ZNF704: variants seen among roughly 807,000 people sequenced by gnomAD.
ZNF704 encodes glucocorticoid induced gene 1.
A neutral mutation model predicts 44.7 loss-of-function variants in ZNF704; 10 were observed. The observed-to-expected ratio is 0.22, with a 90% confidence interval of 0.14 to 0.38. The LOEUF (loss-of-function observed/expected upper bound fraction) is 0.38. Ranked by LOEUF, ZNF704 falls within the 10% of genes least tolerant of loss-of-function variation. ZNF704 has a pLI of 1.00. For missense variants in ZNF704, 390 were observed against 545.5 expected (o/e 0.71, Z 2.84); for synonymous variants, 211 against 207.6 (o/e 1.02, Z -0.14).
chr8:80,760,989 C>A (rs981911231), intron 2 of ZNF704, among the ~76,000 whole-genome samples: 18 of 152,046 alleles, frequency 1.2e-4, no homozygotes, highest in Admixed American at 3.9e-4. Context: ...ATGAAAAATC[C>A]ACCCCCATGA....
chr8:80,816,855 T>C (rs538898125), intron 2 of ZNF704, among the ~76,000 whole-genome samples: 2 of 152,260 alleles, frequency 1.3e-5, no homozygotes, highest in South Asian at 2.1e-4. Context: ...TATAATGCAC[T>C]TACTCCAAAT....
intron 2 of ZNF704, among the ~76,000 whole-genome samples, chr8:80,792,446 G>A (rs776275998): frequency 6.6e-6 from 1 of 152,162 alleles, no homozygotes; most frequent in East Asian, 1.9e-4. Context: ...AAAGATCCCT[G>A]CTCCTGGTTT....
intron 7 of ZNF704, among the ~76,000 whole-genome samples, chr8:80,648,174 T>C (rs1371772681): frequency 1.3e-5 from 2 of 152,168 alleles, no homozygotes; most frequent in East Asian, 3.8e-4. Context: ...GTTCCACCTC[T>C]CAACACTGCT....
intron 1 of ZNF704, among the ~76,000 whole-genome samples, chr8:80,831,173 A>G (rs1448938382): frequency 6.6e-6 from 1 of 152,186 alleles, no homozygotes; most frequent in Non-Finnish European, 1.5e-5. Context: ...TAAAACAGAG[A>G]TGGCATGGCA....
At chr8:80,723,592 G>A (rs1806414242) in intron 2 of ZNF704, among the ~76,000 whole-genome samples, 1 of 152,200 alleles carries the variant, frequency 6.6e-6, no homozygotes, top group South Asian at 2.1e-4. Flanking sequence ...GGATGATGGT[G>A]AGAATCAAAT....
At chr8:80,650,389 A>G (rs1817898332) in intron 7 of ZNF704, among the ~76,000 whole-genome samples, 1 of 152,248 alleles carries the variant, frequency 6.6e-6, no homozygotes, top group African/African-American at 2.4e-5. Context: ...GGAAGTTCGA[A>G]CCCATGGCAA....
At chr8:80,865,401 T>C (rs1809137851) in intron 1 of ZNF704, among the ~76,000 whole-genome samples, 1 of 152,210 alleles carries the variant, frequency 6.6e-6, no homozygotes, top group African/African-American at 2.4e-5. Context: ...CTTCTTGATC[T>C]ACAGAGAAGT....
intron 7 of ZNF704, among the ~76,000 whole-genome samples, chr8:80,648,514 G>A (rs992071309): frequency 6.6e-6 from 1 of 152,168 alleles, no homozygotes; most frequent in African/African-American, 2.4e-5. Flanking sequence ...TTCAGTGCTT[G>A]CGAATGTGAA....
intron 1 of ZNF704, among the ~76,000 whole-genome samples, chr8:80,861,959 C>T (rs1163522735): frequency 6.7e-6 from 1 of 149,716 alleles, no homozygotes; most frequent in African/African-American, 2.5e-5. Context: ...AATAAAATAG[C>T]CATGTGGTTG....
intron 1 of ZNF704, among the ~76,000 whole-genome samples, chr8:80,866,231 T>A (rs1369639499): frequency 6.6e-6 from 1 of 152,218 alleles, no homozygotes; most frequent in African/African-American, 2.4e-5. Context: ...TTTGGGCAGA[T>A]CTAATCTTGA....
At chr8:80,724,911 T>A (rs1222155856) in intron 2 of ZNF704, among the ~76,000 whole-genome samples, 1 of 152,188 alleles carries the variant, frequency 6.6e-6, no homozygotes, top group Non-Finnish European at 1.5e-5. Context: ...AATCATGCCA[T>A]TCCAGGTCTG....
At chr8:80,858,678 C>G (rs1809005086) in intron 1 of ZNF704, among the ~76,000 whole-genome samples, 1 of 149,748 alleles carries the variant, frequency 6.7e-6, no homozygotes, top group Admixed American at 6.6e-5. Flanking sequence ...CAGCGAGATT[C>G]TGTCTCAAAA....
At chr8:80,712,389 A>T (rs80163571) in intron 2 of ZNF704, among the ~76,000 whole-genome samples, 1 of 152,246 alleles carries the variant, frequency 6.6e-6, no homozygotes, top group African/African-American at 2.4e-5. Context: ...CCAGACAAAG[A>T]TAGGCTCAAT....
At position 80,631,844 on chromosome 8, in the gene ZNF704, C is replaced by G. The variant is rs1403619601; in HGVS notation, c.*9522G>C. The G allele has an allele frequency of 1.3e-5, 2 of 152,180 alleles. No homozygotes were observed. Among genetic ancestry groups the G allele is most frequent in the African/African-American group, 4.8e-5 (2 of 41,442 alleles). The allele number at this position is 152,180 out of a possible 1,614,324, so 9.4% of individuals were successfully genotyped here. Reference sequence around the variant, plus strand: ...GCCACACTGACTGAGCCTTACATCCCAGTTATAGTAATATTTATCCCCTTG... The same window carrying G: ...GCCACACTGACTGAGCCTTACATCCGAGTTATAGTAATATTTATCCCCTTG... On this transcript the variant is annotated 3_prime_UTR_variant, in exon 9 of 9. Coordinates refer to ENST00000327835, the MANE Select transcript of ZNF704 (RefSeq NM_001033723.3).
intron 2 of ZNF704, among the ~76,000 whole-genome samples, chr8:80,737,357 C>T (rs1190184333): frequency 6.6e-6 from 1 of 152,174 alleles, no homozygotes; most frequent in East Asian, 1.9e-4. Context: ...TAAAAAGGCT[C>T]ACTGACATGA....
chr8:80,794,238 T>G (rs1168078128), intron 2 of ZNF704, among the ~76,000 whole-genome samples: 1 of 152,182 alleles, frequency 6.6e-6, no homozygotes, highest in Non-Finnish European at 1.5e-5. Context: ...GAATTTTGAC[T>G]TTTTGCCTGA....
chr8:80,688,279 C>A (rs891124464), intron 3 of ZNF704, among the ~76,000 whole-genome samples: 13 of 152,152 alleles, frequency 8.5e-5, no homozygotes, highest in African/African-American at 3.1e-4. Flanking sequence ...GGAAGTTAGT[C>A]TAACACTTAA....
intron 5 of ZNF704, among the ~76,000 whole-genome samples, chr8:80,665,992 T>G (rs1318020534): frequency 6.6e-6 from 1 of 152,006 alleles, no homozygotes. Context: ...ACTTTAAGTT[T>G]TAGGGTACAT....
chr8:80,740,613 T>G (rs1806740776), intron 2 of ZNF704, among the ~76,000 whole-genome samples: 1 of 152,214 alleles, frequency 6.6e-6, no homozygotes, highest in Non-Finnish European at 1.5e-5. Flanking sequence ...TATACCCAGC[T>G]GTACCTAACC....
Sources: gnomAD v4.1 joint callset for allele counts (sites outside exome capture counted in the v4.1 genomes callset) on GRCh38, gnomAD v4.1.1 for gene constraint, MANE v1.5 for transcripts, NCBI Gene and HGNC (gene_info 2026-07-23, HGNC 2026-07-21) for gene names.